Variants in ARID2 observed in about 807,000 individuals in gnomAD.
ARID2 encodes AT-rich interaction domain 2.
A neutral mutation model predicts 184.6 loss-of-function variants in ARID2; 32 were observed. The ratio of observed to expected loss-of-function variants is 0.17; its 90% CI spans 0.13 to 0.23. ARID2 has a LOEUF of 0.23. Among genes scored for constraint, ARID2 ranks in the 10% least tolerant of loss-of-function variants. The probability of loss-of-function intolerance (pLI) is 1.00; values close to 1 mark genes in which losing one functional copy is unlikely to be tolerated. For synonymous variants in ARID2, 836 were observed against 772.6 expected, an observed-to-expected ratio of 1.08 and a Z score of -1.36; for missense variants, 1,696 against 2,197.6, an observed-to-expected ratio of 0.77 and a Z score of 4.56.
intron 3 of ARID2, among the ~76,000 whole-genome samples, chr12:45,809,414 C>T (rs1942661697): frequency 6.6e-6 from 1 of 152,156 alleles, no homozygotes; most frequent in Non-Finnish European, 1.5e-5. Flanking sequence ...GTGATACCTG[C>T]TTTAGCAATT....
rs1339307626 is a variant in ARID2, at chr12:45,904,942, A to C, written c.5372A>C (p.Lys1791Thr). 1 of 1,613,778 alleles carries C rather than the reference A, an allele frequency of 6.2e-7. No homozygotes were observed. The highest frequency in any genetic ancestry group is 1.1e-5 in the South Asian group (1 of 90,998). Reference sequence around the variant, plus strand: ...TATATGTTTTTTTGCAGATTGTTAAAGAGACATGAAAATAACTTATCAGTG... The same window carrying C: ...TATATGTTTTTTTGCAGATTGTTAACGAGACATGAAAATAACTTATCAGTG... ...KYSECGRRLL[K>T]RHENNLSVLA... The change falls in exon 21 of 21, where the codon AAG becomes ACG. Residue 1791 changes from lysine (K) to threonine (T), a missense_variant. Transcript: ENST00000334344.
At chr12:45,814,152 A>G (rs1309751114) in intron 4 of ARID2, among the ~76,000 whole-genome samples, 2 of 152,216 alleles carry the variant, frequency 1.3e-5, no homozygotes, top group African/African-American at 4.8e-5. Flanking sequence ...TTCTTTAAGC[A>G]TTGCATATTC....
chr12:45,803,646 T>C (rs1352259416), intron 3 of ARID2, among the ~76,000 whole-genome samples: 1 of 152,158 alleles, frequency 6.6e-6, no homozygotes, highest in African/African-American at 2.4e-5. Context: ...TTTGGCCTAC[T>C]TCTTTCATAT....
intron 3 of ARID2, among the ~76,000 whole-genome samples, chr12:45,758,377 A>AT (rs539762261): frequency 1.3e-4 from 19 of 148,214 alleles, no homozygotes; most frequent in Non-Finnish European, 1.8e-4. Flanking sequence ...TGTGCGATCG[A>AT]TTTTTTTTTT....
chr12:45,871,194 C>T (rs1943920947), intron 16 of ARID2, among the ~76,000 whole-genome samples: 1 of 152,062 alleles, frequency 6.6e-6, no homozygotes, highest in Non-Finnish European at 1.5e-5. Flanking sequence ...TTTCTAGTTC[C>T]CTAAAAACAT....
intron 6 of ARID2, among the ~76,000 whole-genome samples, chr12:45,833,872 C>G (rs1047687898): frequency 6.6e-6 from 1 of 152,152 alleles, no homozygotes; most frequent in Non-Finnish European, 1.5e-5. Context: ...TAGCAATGAA[C>G]TCAAAGTATA....
At chr12:45,751,869 A>G (rs1002521186) in intron 3 of ARID2, among the ~76,000 whole-genome samples, 37 of 152,248 alleles carry the variant, frequency 2.4e-4, no homozygotes, top group African/African-American at 8.4e-4. Context: ...CATTGTATAT[A>G]TGGTCATTGA....
intron 18 of ARID2, among the ~76,000 whole-genome samples, chr12:45,892,707 A>G (rs977285653): frequency 2.0e-5 from 3 of 152,174 alleles, no homozygotes; most frequent in Non-Finnish European, 2.9e-5. Flanking sequence ...ACGAGTCAGC[A>G]TCTCCATTGC....
chr12:45,737,587 G>T (rs1206774686), intron 3 of ARID2, among the ~76,000 whole-genome samples: 1 of 150,996 alleles, frequency 6.6e-6, no homozygotes, highest in Non-Finnish European at 1.5e-5. Context: ...ATATCATGAG[G>T]CATATAATGT....
intron 3 of ARID2, among the ~76,000 whole-genome samples, chr12:45,801,100 C>T (rs1317477813): frequency 6.6e-6 from 1 of 152,104 alleles, no homozygotes; most frequent in Non-Finnish European, 1.5e-5. Context: ...ATCACGAGGT[C>T]AGGAGATCGA....
chr12:45,853,594 G>C (rs147317634), intron 15 of ARID2, among the ~76,000 whole-genome samples: 1 of 152,194 alleles, frequency 6.6e-6, no homozygotes. Flanking sequence ...ATCAGGCTAT[G>C]AGGATTTTAA....
rs762436361 is a variant in ARID2, at chr12:45,852,538, A to G, written c.4415A>G (p.His1472Arg). The G allele has an allele frequency of 8.7e-6, 14 of 1,614,060 alleles. No individual in the cohort carries two copies. The highest frequency in any genetic ancestry group is 1.7e-5 in the Admixed American group (1 of 59,992). Residue 1472 changes from histidine to arginine, a missense_variant, in exon 15 of 21, where the codon CAT becomes CGT. Physicochemically the swap from His to Arg is conservative, Grantham distance 29. Coordinates refer to ENST00000334344, the MANE Select transcript of ARID2 (RefSeq NM_152641.4). ...QQRPSVVVSPHSTTSVIQGHQ... is the reference protein window; with the variant it reads ...QQRPSVVVSPRSTTSVIQGHQ... Reference sequence around the variant, plus strand: ...CGCCCAAGTGTAGTTGTCTCACCACATTCTACAACCTCTGTTATACAGGGA... The same window carrying G: ...CGCCCAAGTGTAGTTGTCTCACCACGTTCTACAACCTCTGTTATACAGGGA...
intron 16 of ARID2, among the ~76,000 whole-genome samples, chr12:45,869,026 GTTTTTT>G (rs60673420): frequency 6.8e-6 from 1 of 147,958 alleles, no homozygotes; most frequent in African/African-American, 2.5e-5. Context: ...ATTGCTTTTT[GTTTTTT>G]TTTTTGAGAT....
At position 45,904,921 on chromosome 12, in the gene ARID2, T is replaced by C. The variant is rs1443893923; in HGVS notation, c.5364-13T>C. 1.2e-6 allele frequency: 2 copies of C among 1,611,900 alleles called. No homozygotes were observed. Among genetic ancestry groups the C allele is most frequent in the South Asian group, 1.1e-5 (1 of 90,502 alleles). ...CCTTGGAGACTGACAATCTTCTATATGTTTTTTTGCAGATTGTTAAAGAGA... is the reference window on the plus strand; with the variant it reads ...CCTTGGAGACTGACAATCTTCTATACGTTTTTTTGCAGATTGTTAAAGAGA... On this transcript the variant is annotated splice_polypyrimidine_tract_variant and intron_variant, in intron 20 of 20. Transcript: ENST00000334344.
intron 3 of ARID2, among the ~76,000 whole-genome samples, chr12:45,741,805 C>T (rs1941264265): frequency 6.6e-6 from 1 of 152,138 alleles, no homozygotes; most frequent in African/African-American, 2.4e-5. Flanking sequence ...ATATAGAAAC[C>T]AAGATCGAGG....
At chr12:45,861,971 C>T (rs186340424) in intron 16 of ARID2, among the ~76,000 whole-genome samples, 3 of 152,280 alleles carry the variant, frequency 2.0e-5, no homozygotes, top group African/African-American at 7.2e-5. Context: ...ATATCTTTTA[C>T]AAGCTATCTT....
chr12:45,768,773 T>C (rs1941817246), intron 3 of ARID2, among the ~76,000 whole-genome samples: 1 of 152,170 alleles, frequency 6.6e-6, no homozygotes, highest in East Asian at 1.9e-4. Context: ...AAACTATTCC[T>C]TTAAAGGAAC....
At chr12:45,847,157 A>G (rs1029506213) in intron 12 of ARID2, among the ~76,000 whole-genome samples, 3 of 152,134 alleles carry the variant, frequency 2.0e-5, no homozygotes, top group Admixed American at 2.0e-4. Context: ...TTAAAATAGT[A>G]TGACTAGAAT....
At chr12:45,841,311 A>G (rs928046871) in intron 11 of ARID2, 4 of 152,338 alleles carry the variant, frequency 2.6e-5, no homozygotes, top group East Asian at 1.9e-4. Context: ...TTGGCAAATG[A>G]ATGAATTTAA....
Sources: gnomAD v4.1 joint callset for allele counts (sites outside exome capture counted in the v4.1 genomes callset) on GRCh38, gnomAD v4.1.1 for gene constraint, MANE v1.5 for transcripts, NCBI Gene and HGNC (gene_info 2026-07-23, HGNC 2026-07-21) for gene names.